The following SLC23A2 variants were observed in gnomAD, a reference collection of about 807,000 sequenced individuals.
The protein encoded by SLC23A2 is solute carrier family 23 member 2.
SLC23A2 carries 36 observed loss-of-function variants against 73.3 expected under a neutral mutation model. That is an observed-to-expected ratio of 0.49 (90% CI 0.38 to 0.65). SLC23A2 has a LOEUF of 0.65. SLC23A2 is among the 30% of genes least tolerant of loss of function. SLC23A2 has a pLI of 0.00. For synonymous variants in SLC23A2, 343 were observed against 327.3 expected, an observed-to-expected ratio of 1.05 and a Z score of -0.52; for missense variants, 507 against 841.6, an observed-to-expected ratio of 0.60 and a Z score of 4.92.
At chr20:4,873,615 C>A (rs1930537416) in intron 11 of SLC23A2, among the ~76,000 whole-genome samples, 1 of 152,236 alleles carries the variant, frequency 6.6e-6, no homozygotes, top group Admixed American at 6.5e-5. Context: ...CAGCTCTATA[C>A]TTGCCTATCT....
At chr20:4,909,993 G>A (rs569682739) in intron 4 of SLC23A2, among the ~76,000 whole-genome samples, 1 of 152,206 alleles carries the variant, frequency 6.6e-6, no homozygotes, top group Non-Finnish European at 1.5e-5. Context: ...GTGGCACACA[G>A]GGCAGCACAT....
At chr20:4,949,561 A>C (rs1043739156) in intron 2 of SLC23A2, among the ~76,000 whole-genome samples, 5 of 152,156 alleles carry the variant, frequency 3.3e-5, no homozygotes, top group African/African-American at 1.2e-4. Flanking sequence ...TATGTCTGAC[A>C]GCACTAAGAA....
intron 1 of SLC23A2, among the ~76,000 whole-genome samples, chr20:5,007,151 G>A (rs2088200789): frequency 6.6e-6 from 1 of 152,034 alleles, no homozygotes; most frequent in Admixed American, 6.6e-5. Context: ...CCACCGCCAG[G>A]CTTGCTTTTA....
chr20:4,987,989 G>A (rs928013508), intron 1 of SLC23A2, among the ~76,000 whole-genome samples: 7 of 147,052 alleles, frequency 4.8e-5, no homozygotes, highest in East Asian at 4.1e-4. Flanking sequence ...AGTACTCCAC[G>A]ATGCATTAAA....
At chr20:4,933,664 A>C (rs1932813931) in intron 2 of SLC23A2, among the ~76,000 whole-genome samples, 1 of 152,070 alleles carries the variant, frequency 6.6e-6, no homozygotes, top group South Asian at 2.1e-4. Flanking sequence ...GGCACAGAGG[A>C]TCCCTCCAAG....
intron 3 of SLC23A2, among the ~76,000 whole-genome samples, chr20:4,931,601 A>G (rs1385184203): frequency 6.6e-6 from 1 of 152,088 alleles, no homozygotes; most frequent in Non-Finnish European, 1.5e-5. Context: ...TACAAAAAGT[A>G]GAAAAAATTA....
At chr20:4,986,279 T>C (rs2087825058) in intron 1 of SLC23A2, among the ~76,000 whole-genome samples, 1 of 152,016 alleles carries the variant, frequency 6.6e-6, no homozygotes. Flanking sequence ...CTGGGCAACA[T>C]AGAGAGACCC....
chr20:4,957,813 A>G (rs987370331), intron 2 of SLC23A2, among the ~76,000 whole-genome samples: 1 of 151,408 alleles, frequency 6.6e-6, no homozygotes, highest in South Asian at 2.1e-4. Context: ...AGGCAGGAGA[A>G]TCCCCTGAAA....
At chr20:4,957,660 G>C (rs1476314604) in intron 2 of SLC23A2, among the ~76,000 whole-genome samples, 1 of 151,680 alleles carries the variant, frequency 6.6e-6, no homozygotes, top group African/African-American at 2.4e-5. Context: ...CAGCACTTTG[G>C]GAGGCCAAGG....
intron 2 of SLC23A2, among the ~76,000 whole-genome samples, chr20:4,937,000 T>A (rs1416284164): frequency 6.6e-6 from 1 of 151,884 alleles, no homozygotes; most frequent in Non-Finnish European, 1.5e-5. Context: ...GGACAGTACA[T>A]GGAGGAAGAA....
At chr20:4,923,193 G>A (rs1932556332) in intron 3 of SLC23A2, among the ~76,000 whole-genome samples, 1 of 138,898 alleles carries the variant, frequency 7.2e-6, no homozygotes, top group Non-Finnish European at 1.5e-5. Flanking sequence ...GACTGCTTGA[G>A]CCCAGGAGTT....
chr20:4,997,792 TTTTTA>T (rs58117784), intron 1 of SLC23A2, among the ~76,000 whole-genome samples: 1 of 150,208 alleles, frequency 6.7e-6, no homozygotes, highest in African/African-American at 2.5e-5. Flanking sequence ...TCCAGCGAAT[TTTTTA>T]TTTTATTTTA....
At chr20:4,982,001 T>C (rs964680563) in intron 1 of SLC23A2, among the ~76,000 whole-genome samples, 4 of 121,510 alleles carry the variant, frequency 3.3e-5, no homozygotes, top group African/African-American at 9.7e-5. Context: ...GTGCCCAGCC[T>C]CTTTCTTTTT....
upstream of SLC23A2, among the ~76,000 whole-genome samples, chr20:5,004,530 C>G (rs990374455): frequency 1.3e-5 from 2 of 152,110 alleles, no homozygotes; most frequent in Non-Finnish European, 2.9e-5. Flanking sequence ...TTCTGAAAAT[C>G]CTTCAGGGCC....
intron 1 of SLC23A2, among the ~76,000 whole-genome samples, chr20:4,971,779 G>A (rs1001356616): frequency 6.6e-6 from 1 of 151,924 alleles, no homozygotes; most frequent in East Asian, 1.9e-4. Context: ...AGAGCAACAC[G>A]CCATCTCAAA....
rs1375799727 is a variant in SLC23A2 at position 4,855,553 on chromosome 20, T to C, written c.*1419A>G. 2.0e-5 allele frequency: 3 copies of C among 152,488 alleles called. No homozygotes were observed. Among genetic ancestry groups the C allele is most frequent in the Admixed American group, 6.5e-5 (1 of 15,282 alleles). The allele number at this position is 152,488 out of a possible 1,614,324, so 9.4% of individuals were successfully genotyped here. A position where few individuals can be genotyped will look rare whatever the true frequency, so the allele number is the denominator to read the frequency against. ...ACTCTCTTAAGTGAGAGGGAGCCTG[T>C]TGGCTGCTTTTCTTATCACCTTTGG... On this transcript the variant is annotated 3_prime_UTR_variant, in exon 17 of 17. Coordinates refer to ENST00000338244, the MANE Select transcript of SLC23A2 (RefSeq NM_005116.6).
chr20:4,999,690 G>C (rs543941240), intron 1 of SLC23A2, among the ~76,000 whole-genome samples: 1 of 152,054 alleles, frequency 6.6e-6, no homozygotes, highest in South Asian at 2.1e-4. Context: ...ACAACACCCG[G>C]CCCAGGTACT....
In SLC23A2 at chr20:4,900,572, A is replaced by G. The variant is rs1931706973; in HGVS notation, c.325-860T>C. ...TTTCATGTCTGGGGATTAAAGTTACATAAGCTTCATAAGTTACATACGCAT... is the reference window on the plus strand; with the variant it reads ...TTTCATGTCTGGGGATTAAAGTTACGTAAGCTTCATAAGTTACATACGCAT... On this transcript the variant is annotated intron_variant, in intron 5 of 16. Coordinates refer to ENST00000338244, the MANE Select transcript of SLC23A2 (RefSeq NM_005116.6). Among the ~76,000 whole-genome samples, 3 of 152,364 alleles carry G rather than the reference A, an allele frequency of 2.0e-5. No individual in the cohort carries two copies. The South Asian group carries it at 6.2e-4, about 32-fold the overall frequency.
At chr20:4,922,281 G>A (rs1395766483) in intron 3 of SLC23A2, among the ~76,000 whole-genome samples, 1 of 152,162 alleles carries the variant, frequency 6.6e-6, no homozygotes, top group Non-Finnish European at 1.5e-5. Flanking sequence ...GGGGTCAGAA[G>A]AGACCAAGGC....
Sources: gnomAD v4.1 joint callset for allele counts (sites outside exome capture counted in the v4.1 genomes callset) on GRCh38, gnomAD v4.1.1 for gene constraint, MANE v1.5 for transcripts, NCBI Gene and HGNC (gene_info 2026-07-23, HGNC 2026-07-21) for gene names.